The following KPNA1 variants were observed in gnomAD, a reference collection of about 807,000 sequenced individuals.
KPNA1 encodes the protein importin subunit alpha-5.
KPNA1 carries 10 observed loss-of-function variants against 70.5 expected under a neutral mutation model. That is an observed-to-expected ratio of 0.14 (90% CI 0.09 to 0.24). KPNA1 has a LOEUF of 0.24. Among genes scored for constraint, KPNA1 ranks in the 10% least tolerant of loss-of-function variants. KPNA1 has a pLI of 1.00. For missense variants in KPNA1, 397 were observed against 637.9 expected, an observed-to-expected ratio of 0.62 and a Z score of 4.07; for synonymous variants, 192 against 221.9, an observed-to-expected ratio of 0.87 and a Z score of 1.20.
intron 1 of KPNA1, among the ~76,000 whole-genome samples, chr3:122,511,780 G>A (rs987780403): frequency 7.4e-5 from 11 of 148,860 alleles, no homozygotes; most frequent in African/African-American, 2.7e-4. Flanking sequence ...TTATCACTAG[G>A]TCAGTCATCT....
intron 10 of KPNA1, 74 bp downstream of exon 10, chr3:122,441,964 G>A (rs1039129659): frequency 1.4e-5 from 15 of 1,041,964 alleles, no homozygotes; most frequent in Middle Eastern, 2.1e-4. Context: ...AGTAAAATAC[G>A]ATAATAGAAA....
chr3:122,510,668 C>T (rs28434553), intron 1 of KPNA1, among the ~76,000 whole-genome samples: 1 of 151,674 alleles, frequency 6.6e-6, no homozygotes, highest in African/African-American at 2.4e-5. Flanking sequence ...CTTGCTTAGA[C>T]GAAAGCCAAT....
chr3:122,437,160 A>G lies in KPNA1; in HGVS notation c.1122+10T>C. On this transcript the variant is annotated intron_variant, in intron 11 of 13. Transcript: ENST00000344337. ...AATACTGAAAGAGAAGTTAGGTCCT[A>G]TGAGGTTACCTGGATCTGTGCCCTA... 6.2e-7 allele frequency: 1 copy of G among 1,609,586 alleles called. No individual in the cohort carries two copies. Among genetic ancestry groups the G allele is most frequent in the Non-Finnish European group, 8.5e-7 (1 of 1,178,700 alleles).
chr3:122,503,177 A>C (rs1282558275), intron 1 of KPNA1, among the ~76,000 whole-genome samples: 2 of 152,192 alleles, frequency 1.3e-5, no homozygotes, highest in East Asian at 3.8e-4. Context: ...AATTAGACTT[A>C]AGGAAGTAAC....
chr3:122,437,380 AT>A, intron 10 of KPNA1, 85 bp from the exon 11 acceptor site: 1 of 957,390 alleles, frequency 1.0e-6, no homozygotes, highest in Non-Finnish European at 1.5e-6. Context: ...TATGAAAGAC[AT>A]AACATCTCCC....
At chr3:122,492,039 T>C (rs1183320891) in intron 2 of KPNA1, among the ~76,000 whole-genome samples, 3 of 151,494 alleles carry the variant, frequency 2.0e-5, no homozygotes, top group African/African-American at 7.3e-5. Flanking sequence ...TTTTTGTATT[T>C]TTAGTAGAGA....
At chr3:122,457,662 T>C in intron 5 of KPNA1, 1 of 1,233,998 alleles carries the variant, frequency 8.1e-7, no homozygotes. Context: ...TCTTAGTCTC[T>C]ACCTTCTGGC....
Position 122,427,737 on chromosome 3 carries a change from A to G in KPNA1, c.1251-21T>C, listed in dbSNP as rs777206966. ...GGTACCTAAATACAAAGAATAATGT[A>G]GTCAAACAAAACTTTTAATTTTGTT... On this transcript the variant is annotated intron_variant, in intron 12 of 13. Transcript: ENST00000344337. The G allele has an allele frequency of 2.7e-6, 4 of 1,479,584 alleles. No homozygotes were observed. The African/African-American group carries it at 4.2e-5, about 16-fold the overall frequency. 91.7% of individuals were successfully genotyped at this position (1,479,584 alleles called of 1,614,324 possible). A position where few individuals can be genotyped will look rare whatever the true frequency, so the allele number is the denominator to read the frequency against.
chr3:122,460,556 G>T, intron 5 of KPNA1: 1 of 214,432 alleles, frequency 4.7e-6, no homozygotes, highest in Non-Finnish European at 8.0e-6. Context: ...AGAATCACTT[G>T]AATCTGGGAG....
rs571561876 is a variant in KPNA1 at position 122,449,052 on chromosome 3, T to C, written c.917+522A>G. Among the ~76,000 whole-genome samples, 8 of 152,360 alleles carry C rather than the reference T, an allele frequency of 5.3e-5. No individual in the cohort carries two copies. The East Asian group carries it at 1.5e-3, about 29-fold the overall frequency. On this transcript the variant is annotated intron_variant, in intron 9 of 13. Coordinates refer to ENST00000344337, the MANE Select transcript of KPNA1 (RefSeq NM_002264.4). The stretch of plus-strand genomic sequence containing the variant: ...TCTCCCATACCTTGTAACTGTACCA[T>C]TTCTCCATTATGTTATCACTTTCAT...
Position 122,424,517 on chromosome 3 carries a change from A to G in KPNA1, c.*2468T>C, listed in dbSNP as rs942811798. The G allele has an allele frequency of 1.3e-5, 2 of 152,686 alleles. No individual in the cohort carries two copies. Among genetic ancestry groups the G allele is most frequent in the African/African-American group, 4.8e-5 (2 of 41,466 alleles). 9.5% of individuals were successfully genotyped at this position (152,686 alleles called of 1,614,324 possible). On this transcript the variant is annotated 3_prime_UTR_variant, in exon 14 of 14. Coordinates refer to ENST00000344337, the MANE Select transcript of KPNA1 (RefSeq NM_002264.4). ...AAAAAAAACTTAGATCTTATAGTTC[A>G]TGAACTTCTAGGACAAGATAAATTC... is the stretch of plus-strand genomic sequence containing the variant.
intron 2 of KPNA1, among the ~76,000 whole-genome samples, chr3:122,492,750 A>G (rs2076714544): frequency 6.6e-6 from 1 of 152,240 alleles, no homozygotes; most frequent in Admixed American, 6.5e-5. Context: ...TCAAAGCTCC[A>G]CAGAACATAA....
At chr3:122,440,676 CAAACA>C (rs746118458) in intron 10 of KPNA1, among the ~76,000 whole-genome samples, 3 of 152,172 alleles carry the variant, frequency 2.0e-5, no homozygotes, top group Non-Finnish European at 4.4e-5. Flanking sequence ...CAAATATAGT[CAAACA>C]TATATTCTTT....
intron 2 of KPNA1, among the ~76,000 whole-genome samples, chr3:122,474,086 A>T (rs1029739151): frequency 6.6e-6 from 1 of 152,188 alleles, no homozygotes; most frequent in Non-Finnish European, 1.5e-5. Flanking sequence ...TTGAAATTAA[A>T]AAGTGTCATT....
At chr3:122,478,172 A>AAAG (rs2076525384) in intron 2 of KPNA1, among the ~76,000 whole-genome samples, 1 of 148,286 alleles carries the variant, frequency 6.7e-6, no homozygotes. Context: ...AAAAAAAAAA[A>AAAG]AAAAGAAAAG....
chr3:122,479,174 G>A (rs71329269), intron 2 of KPNA1, among the ~76,000 whole-genome samples: 2,275 of 152,128 alleles, frequency 0.015, 26 homozygotes, highest in Middle Eastern at 0.031. Context: ...AACTTAACAG[G>A]AAAACAAACA....
chr3:122,508,972 G>A lies in KPNA1; in HGVS notation c.-6+5785C>T, dbSNP rs557128503. 3.9e-5 allele frequency among the ~76,000 whole-genome samples: 6 copies of A among 152,256 alleles called. No homozygotes were observed. In the South Asian group the frequency reaches 6.2e-4, roughly 16 times the overall value. Reference sequence around the variant, plus strand: ...ATAAAATAAGAATGAGAGGCTGGACGCGGTAGCTCACGCCTGTAATCCCAG... The same window carrying A: ...ATAAAATAAGAATGAGAGGCTGGACACGGTAGCTCACGCCTGTAATCCCAG... On this transcript the variant is annotated intron_variant, in intron 1 of 13. Coordinates refer to ENST00000344337, the MANE Select transcript of KPNA1 (RefSeq NM_002264.4).
chr3:122,486,940 T>A (rs2076636627), intron 2 of KPNA1, among the ~76,000 whole-genome samples: 1 of 152,166 alleles, frequency 6.6e-6, no homozygotes, highest in African/African-American at 2.4e-5. Flanking sequence ...CAACTCATTA[T>A]TCTGAAAACA....
At chr3:122,435,836 G>GC (rs1294782942) in intron 11 of KPNA1, among the ~76,000 whole-genome samples, 1 of 151,834 alleles carries the variant, frequency 6.6e-6, no homozygotes, top group Non-Finnish European at 1.5e-5. Context: ...GATGTATGTC[G>GC]CCTCAGGACC....
Sources: allele counts gnomAD v4.1 joint callset (sites outside exome capture counted in the v4.1 genomes callset), GRCh38; gene constraint gnomAD v4.1.1; transcripts MANE v1.5; gene names NCBI Gene and HGNC (gene_info 2026-07-23, HGNC 2026-07-21).